Variants in EPC1 observed in about 807,000 individuals in gnomAD.
The protein encoded by EPC1 is enhancer of polycomb 1, also known as enhancer of polycomb homolog 1.
EPC1 carries 12 observed loss-of-function variants against 98.4 expected under a neutral mutation model. The ratio of observed to expected loss-of-function variants is 0.12; its 90% CI spans 0.08 to 0.20. The LOEUF is 0.20. EPC1 is among the 10% of genes least tolerant of loss of function. The pLI is 1.00. For synonymous variants in EPC1, 357 were observed against 363.9 expected (o/e 0.98, Z 0.21); for missense variants, 729 against 990.5 (o/e 0.74, Z 3.54).
intron 1 of EPC1, among the ~76,000 whole-genome samples, chr10:32,359,890 A>T (rs1839388451): frequency 6.6e-6 from 1 of 152,116 alleles, no homozygotes; most frequent in African/African-American, 2.4e-5. Context: ...TTGTATCATT[A>T]GTAGTTTTGT....
chr10:32,340,711 C>A (rs1343636251), intron 1 of EPC1, among the ~76,000 whole-genome samples: 1 of 152,054 alleles, frequency 6.6e-6, no homozygotes, highest in African/African-American at 2.4e-5. Flanking sequence ...GTAGTCTCAG[C>A]TACTTGTAAG....
intron 1 of EPC1, among the ~76,000 whole-genome samples, chr10:32,364,207 A>C (rs17574897): frequency 6.7e-6 from 1 of 149,898 alleles, no homozygotes; most frequent in Non-Finnish European, 1.5e-5. Context: ...AGAGACTTTT[A>C]GTAGATTTTG....
chr10:32,342,331 CAA>C (rs970834375), intron 1 of EPC1, among the ~76,000 whole-genome samples: 2 of 152,014 alleles, frequency 1.3e-5, no homozygotes, highest in African/African-American at 4.8e-5. Context: ...TGGTTTCTTT[CAA>C]AGTGATTTAA....
intron 10 of EPC1, among the ~76,000 whole-genome samples, chr10:32,274,539 A>G (rs1404218332): frequency 6.6e-6 from 1 of 152,178 alleles, no homozygotes; most frequent in Non-Finnish European, 1.5e-5. Flanking sequence ...CTAATAAGTT[A>G]TTAGTATCTA....
chr10:32,362,883 G>A (rs562782266), intron 1 of EPC1, among the ~76,000 whole-genome samples: 2 of 152,270 alleles, frequency 1.3e-5, no homozygotes, highest in South Asian at 4.2e-4. Context: ...AAGGCAGGAA[G>A]CCTGTACTTC....
At chr10:32,353,097 A>G (rs2505355) in intron 1 of EPC1, among the ~76,000 whole-genome samples, 149,294 of 151,192 alleles carry the variant, frequency 0.99, 73,730 homozygotes, top group Middle Eastern at 1. Context: ...GGAGGTTGCA[A>G]TGAGCCAAGA....
chr10:32,304,918 T>TAAAA (rs11351207), intron 2 of EPC1, among the ~76,000 whole-genome samples: 1 of 119,444 alleles, frequency 8.4e-6, no homozygotes, highest in African/African-American at 3.1e-5. Flanking sequence ...AACTCCGTCT[T>TAAAA]AAAAAAAAAA....
intron 1 of EPC1, 147 bp from the exon 2 acceptor site, chr10:32,306,078 C>T (rs1835860697): frequency 1.5e-6 from 1 of 660,312 alleles, no homozygotes; most frequent in Non-Finnish European, 2.3e-6. Context: ...TAACACGATA[C>T]AACTAGTGAT....
intron 11 of EPC1, 98 bp downstream of exon 11, chr10:32,273,065 C>T: frequency 6.2e-7 from 1 of 1,614,124 alleles, no homozygotes; most frequent in Non-Finnish European, 8.5e-7. Context: ...CACTTTTCTG[C>T]TGGTTAGATG....
At chr10:32,314,296 AGAG>A (rs1278128018) in intron 1 of EPC1, among the ~76,000 whole-genome samples, 5 of 152,222 alleles carry the variant, frequency 3.3e-5, no homozygotes, top group African/African-American at 7.2e-5. Context: ...AACAATAAAA[AGAG>A]GATGAGAAAA....
intron 10 of EPC1, among the ~76,000 whole-genome samples, chr10:32,278,373 TTTTTTTTTTTTG>T (rs1836215350): frequency 3.8e-4 from 3 of 7,934 alleles, no homozygotes; most frequent in African/African-American, 2.0e-3. Context: ...TTTTTTTTGT[TTTTTTTTTTTTG>T]TTTTTTTTTT....
At position 32,284,888 on chromosome 10, in the gene EPC1, T is replaced by C. The variant is rs1836593502; in HGVS notation, c.1554A>G (p.Leu518=). 1 of 1,614,198 alleles carries C rather than the reference T, an allele frequency of 6.2e-7. No homozygotes were observed. Among genetic ancestry groups the C allele is most frequent in the East Asian group, 2.2e-5 (1 of 44,886 alleles). ...GCCATCTACATGATTTGATATTGAC[T>C]AGTATCTGACTGAGGTCTTTAGAGA... ...KSFSKDLSQI[L]VNIKSCRWRH... The change falls in exon 10 of 14, where the codon CTA becomes CTG. Residue 518 remains leucine (L), a synonymous_variant. Transcript: ENST00000319778.
chr10:32,336,067 C>CTT (rs1222918543), intron 1 of EPC1, among the ~76,000 whole-genome samples: 6,156 of 54,994 alleles, frequency 0.11, 494 homozygotes, highest in African/African-American at 0.19. Context: ...ACTACCTTTT[C>CTT]TTTTTTTTTT....
chr10:32,346,550 G>A, intron 1 of EPC1: 1 of 568,414 alleles, frequency 1.8e-6, no homozygotes, highest in Non-Finnish European at 3.1e-6. Flanking sequence ...CAAGTGGCCA[G>A]GGTCAGCGGG....
chr10:32,371,627 G>A (rs997284365), intron 1 of EPC1, among the ~76,000 whole-genome samples: 3 of 152,138 alleles, frequency 2.0e-5, no homozygotes, highest in Admixed American at 1.3e-4. Flanking sequence ...GGCCAGGCGC[G>A]GTGGCTCACC....
At chr10:32,282,218 A>G (rs1266500416) in intron 10 of EPC1, 1 of 152,214 alleles carries the variant, frequency 6.6e-6, no homozygotes, top group Non-Finnish European at 1.5e-5. Flanking sequence ...GAAAAAAAAT[A>G]GATAAACTCA....
At chr10:32,339,818 T>G (rs769629002) in intron 1 of EPC1, among the ~76,000 whole-genome samples, 16 of 152,204 alleles carry the variant, frequency 1.1e-4, no homozygotes, top group African/African-American at 1.4e-4. Flanking sequence ...CTCAGAAGAC[T>G]TAAGAAATGC....
chr10:32,373,681 T>C (rs1396426737), intron 1 of EPC1, among the ~76,000 whole-genome samples: 1 of 152,218 alleles, frequency 6.6e-6, no homozygotes, highest in East Asian at 1.9e-4. Flanking sequence ...CTCCTCACTT[T>C]GGATATTTTA....
upstream of EPC1, among the ~76,000 whole-genome samples, chr10:32,351,680 G>A (rs1041974864): frequency 1.3e-5 from 2 of 151,432 alleles, no homozygotes; most frequent in Non-Finnish European, 1.5e-5. Flanking sequence ...AAAAATCAGC[G>A]TGTCTTTCCT....
Sources: gnomAD v4.1 joint callset for allele counts (sites outside exome capture counted in the v4.1 genomes callset) on GRCh38, gnomAD v4.1.1 for gene constraint, MANE v1.5 for transcripts, NCBI Gene and HGNC (gene_info 2026-07-23, HGNC 2026-07-21) for gene names.